SLC8A1: variants seen among roughly 807,000 people sequenced by gnomAD.
SLC8A1 encodes solute carrier family 8 member A1.
SLC8A1 carries 18 observed loss-of-function variants against 68.3 expected under a neutral mutation model. The observed-to-expected ratio is 0.26, with a 90% CI of 0.18 to 0.39. The LOEUF is 0.39. Ranked by LOEUF, SLC8A1 falls within the 10% of genes least tolerant of loss-of-function variation. The probability of loss-of-function intolerance (pLI) is 1.00; values close to 1 mark genes in which losing one functional copy is unlikely to be tolerated. For synonymous variants in SLC8A1, 475 were observed against 415.5 expected (o/e 1.14, Z -1.74); for missense variants, 985 against 1,156.7 (o/e 0.85, Z 2.15).
chr2:40,350,399 T>A (rs1670683928), intron 2 of SLC8A1, among the ~76,000 whole-genome samples: 1 of 152,118 alleles, frequency 6.6e-6, no homozygotes, highest in East Asian at 1.9e-4. Context: ...GAGGATCACT[T>A]GAGCACAGAA....
intron 2 of SLC8A1, among the ~76,000 whole-genome samples, chr2:40,310,481 G>C (rs986806922): frequency 2.6e-5 from 4 of 152,190 alleles, no homozygotes; most frequent in African/African-American, 9.6e-5. Flanking sequence ...CAGTGGGTGA[G>C]AAGAGGTCAG....
chr2:40,402,703 G>T (rs185323508), intron 2 of SLC8A1, among the ~76,000 whole-genome samples: 11 of 152,238 alleles, frequency 7.2e-5, no homozygotes, highest in South Asian at 2.1e-4. Context: ...CAGTGCAAAA[G>T]AAAAACTCTT....
At chr2:40,246,349 C>T (rs1187821078) in intron 2 of SLC8A1, among the ~76,000 whole-genome samples, 1 of 152,206 alleles carries the variant, frequency 6.6e-6, no homozygotes, top group Non-Finnish European at 1.5e-5. Flanking sequence ...TGGGTTTACC[C>T]TGCAATCATG....
At chr2:40,323,664 A>G (rs2075472780) in intron 2 of SLC8A1, among the ~76,000 whole-genome samples, 1 of 152,168 alleles carries the variant, frequency 6.6e-6, no homozygotes, top group Admixed American at 6.5e-5. Context: ...CTCAATGATT[A>G]TCTGTCCCAA....
At chr2:40,388,182 G>A (rs192899061) in intron 2 of SLC8A1, among the ~76,000 whole-genome samples, 1 of 152,032 alleles carries the variant, frequency 6.6e-6, no homozygotes, top group South Asian at 2.1e-4. Context: ...CCCGCTTTAG[G>A]GATTAGGGCA....
chr2:40,141,796 G>C (rs2041616171), intron 6 of SLC8A1, among the ~76,000 whole-genome samples: 1 of 152,150 alleles, frequency 6.6e-6, no homozygotes, highest in African/African-American at 2.4e-5. Flanking sequence ...AGAGCCATTA[G>C]GGTGAGTTCT....
intron 2 of SLC8A1, among the ~76,000 whole-genome samples, chr2:40,263,369 A>G (rs1265517752): frequency 6.6e-6 from 1 of 152,204 alleles, no homozygotes; most frequent in Non-Finnish European, 1.5e-5. Flanking sequence ...GTTCATATGG[A>G]ACCAAAAAAG....
At chr2:40,306,946 A>G (rs2072736714) in intron 2 of SLC8A1, among the ~76,000 whole-genome samples, 1 of 152,170 alleles carries the variant, frequency 6.6e-6, no homozygotes. Context: ...TACTATAGTA[A>G]AGGCTTGTTC....
chr2:40,295,880 C>T (rs1241874158), intron 2 of SLC8A1, among the ~76,000 whole-genome samples: 1 of 152,118 alleles, frequency 6.6e-6, no homozygotes, highest in East Asian at 1.9e-4. Flanking sequence ...ATCGCCCTTT[C>T]TGCGTACTTC....
At chr2:40,319,189 G>A (rs1253941340) in intron 2 of SLC8A1, among the ~76,000 whole-genome samples, 1 of 152,040 alleles carries the variant, frequency 6.6e-6, no homozygotes, top group Non-Finnish European at 1.5e-5. Context: ...TTTATGAGAT[G>A]CGTGTGATCA....
At chr2:40,362,873 G>C (rs1334505180) in intron 2 of SLC8A1, among the ~76,000 whole-genome samples, 1 of 152,028 alleles carries the variant, frequency 6.6e-6, no homozygotes, top group Non-Finnish European at 1.5e-5. Context: ...GATTTCTTGG[G>C]AATGCTCAGA....
At chr2:40,304,719 C>T (rs1432675413) in intron 2 of SLC8A1, among the ~76,000 whole-genome samples, 2 of 152,170 alleles carry the variant, frequency 1.3e-5, no homozygotes, top group Non-Finnish European at 1.5e-5. Flanking sequence ...ATCACCTCCA[C>T]TGTCTTCTAA....
intron 2 of SLC8A1, among the ~76,000 whole-genome samples, chr2:40,241,447 C>G (rs376482967): frequency 6.6e-6 from 1 of 152,138 alleles, no homozygotes; most frequent in East Asian, 1.9e-4. Flanking sequence ...CACAATAAAC[C>G]CGCACATGTA....
intron 2 of SLC8A1, among the ~76,000 whole-genome samples, chr2:40,292,884 T>C (rs2149238560): frequency 6.6e-6 from 1 of 152,288 alleles, no homozygotes; most frequent in South Asian, 2.1e-4. Context: ...TCTAGTGAAC[T>C]GTCAGGTAGG....
At chr2:40,444,634 C>T (rs1284101938) in intron 1 of SLC8A1, among the ~76,000 whole-genome samples, 1 of 152,182 alleles carries the variant, frequency 6.6e-6, no homozygotes, top group African/African-American at 2.4e-5. Context: ...AACCTCCTAC[C>T]TGTTCTCGTA....
intron 1 of SLC8A1, among the ~76,000 whole-genome samples, chr2:40,482,931 C>G (rs897933120): frequency 6.6e-5 from 10 of 150,790 alleles, no homozygotes; most frequent in Admixed American, 1.3e-4. Context: ...GCTGGGACTA[C>G]AGGCGCCCGC....
intron 6 of SLC8A1, among the ~76,000 whole-genome samples, chr2:40,146,160 G>A (rs916601772): frequency 6.6e-6 from 1 of 152,226 alleles, no homozygotes; most frequent in African/African-American, 2.4e-5. Context: ...TGAGTTGCCA[G>A]TGCACAGAAG....
At chr2:40,170,575 G>A (rs1411882255) in intron 4 of SLC8A1, among the ~76,000 whole-genome samples, 2 of 152,146 alleles carry the variant, frequency 1.3e-5, no homozygotes, top group African/African-American at 4.8e-5. Context: ...AGTATTTCAT[G>A]AGCCAAACAA....
At chr2:40,258,448 C>T (rs2064240083) in intron 2 of SLC8A1, among the ~76,000 whole-genome samples, 1 of 152,212 alleles carries the variant, frequency 6.6e-6, no homozygotes, top group African/African-American at 2.4e-5. Context: ...TGCACCAAGG[C>T]TCCTACCTGT....
Sources: gnomAD v4.1 joint callset for allele counts (sites outside exome capture counted in the v4.1 genomes callset) on GRCh38, gnomAD v4.1.1 for gene constraint, MANE v1.5 for transcripts, NCBI Gene and HGNC (gene_info 2026-07-23, HGNC 2026-07-21) for gene names.